Variants in ERCC6L2 observed in about 807,000 individuals in gnomAD.
ERCC6L2 encodes ERCC excision repair 6 like 2, also known as DNA excision repair protein ERCC-6-like 2.
In ERCC6L2, 77 loss-of-function variants were observed where a neutral mutation model predicts 132.0. The observed-to-expected ratio is 0.58, with a 90% CI of 0.49 to 0.71. ERCC6L2 has a LOEUF of 0.71. Ranked by LOEUF, ERCC6L2 falls within the 30% of genes least tolerant of loss-of-function variation. The pLI, the probability that ERCC6L2 is intolerant of heterozygous loss-of-function variation, is 0.00. For missense variants in ERCC6L2, 1,542 were observed against 1,837.6 expected (o/e 0.84, Z 2.94); for synonymous variants, 583 against 632.4 (o/e 0.92, Z 1.17).
At chr9:95,993,777 T>C (rs1454048624) in intron 17 of ERCC6L2, among the ~76,000 whole-genome samples, 3 of 152,164 alleles carry the variant, frequency 2.0e-5, no homozygotes, top group Non-Finnish European at 2.9e-5. Flanking sequence ...CTGGATAATA[T>C]AGTATTACTC....
chr9:95,927,374 C>G (rs1020587709), intron 9 of ERCC6L2, among the ~76,000 whole-genome samples: 2 of 151,744 alleles, frequency 1.3e-5, no homozygotes, highest in African/African-American at 4.8e-5. Flanking sequence ...TTCTTTTTCC[C>G]CTCTGTGGAT....
chr9:95,978,112 C>T lies in ERCC6L2; in HGVS notation c.3389C>T (p.Ser1130Leu), dbSNP rs377159573. 5 of 1,367,170 alleles carry T rather than the reference C, an allele frequency of 3.7e-6. No homozygotes were observed. The highest frequency in any genetic ancestry group is 1.5e-5 in the African/African-American group (1 of 67,716). 84.7% of individuals were successfully genotyped at this position (1,367,170 alleles called of 1,614,324 possible). A position where few individuals can be genotyped will look rare whatever the true frequency, so the allele number is the denominator to read the frequency against. The change falls in exon 17 of 19, where the codon TCG (serine) becomes TTG (leucine). Residue 1130 changes from serine (S) to leucine (L), a missense_variant. Coordinates refer to ENST00000653738, the MANE Select transcript of ERCC6L2 (RefSeq NM_020207.7). ...YIHSNQNVIG[S>L]SKAENHMSRW... is the part of the protein sequence containing the mutation. ...CACTCAAACCAGAATGTAATTGGAT[C>T]GAGCAAAGCTGAAAATCACATGAGC...
At chr9:95,945,696 C>T (rs1318858097) in intron 12 of ERCC6L2, among the ~76,000 whole-genome samples, 1 of 152,124 alleles carries the variant, frequency 6.6e-6, no homozygotes, top group Non-Finnish European at 1.5e-5. Flanking sequence ...TCAGCCAGTC[C>T]CTCCGTTCAG....
Position 96,012,943 on chromosome 9 carries a change from T to C in ERCC6L2, c.4393T>C (p.Ser1465Pro). Residue 1465 changes from serine to proline, a missense_variant, in exon 19 of 19, where the codon TCA (serine) becomes CCA (proline). Ser to Pro is a moderately conservative substitution (Grantham distance 74). Around this residue, in one of 4 missense-constraint regions of ERCC6L2, gnomAD observed 442 missense variants for 583.4 expected, o/e 0.76. Transcript: ENST00000653738. The stretch of plus-strand genomic sequence containing the variant: ...CACACAACTGCCAAAGAAAGTTCTT[T>C]CAGGGCCCATGGAAAAAGCAAAACA... ...SPTQLPKKVL[S>P]GPMEKAKQRP... 7.3e-7 allele frequency: 1 copy of C among 1,367,374 alleles called. No individual in the cohort carries two copies. Among genetic ancestry groups the C allele is most frequent in the Non-Finnish European group, 9.8e-7 (1 of 1,021,680 alleles). 84.7% of individuals were successfully genotyped at this position (1,367,374 alleles called of 1,614,324 possible).
At chr9:95,989,579 G>T (rs761414932) in intron 17 of ERCC6L2, among the ~76,000 whole-genome samples, 2 of 152,216 alleles carry the variant, frequency 1.3e-5, no homozygotes, top group African/African-American at 2.4e-5. Flanking sequence ...TTGCTCTCTG[G>T]ATTAGAGAAG....
chr9:95,917,074 A>G (rs1438576900), intron 6 of ERCC6L2, among the ~76,000 whole-genome samples: 1 of 152,142 alleles, frequency 6.6e-6, no homozygotes, highest in African/African-American at 2.4e-5. Context: ...TGTCCTTCCT[A>G]TACTGTGTAC....
In ERCC6L2 at chr9:95,919,152, C is replaced by T. The variant is rs780885508; in HGVS notation, c.1159-2023C>T. Among the ~76,000 whole-genome samples, 4 of 152,026 alleles carry T rather than the reference C, an allele frequency of 2.6e-5. No individual in the cohort carries two copies. The South Asian group carries it at 8.3e-4, about 32-fold the overall frequency. On this transcript the variant is annotated intron_variant, in intron 6 of 18. Transcript: ENST00000653738. The stretch of plus-strand genomic sequence containing the variant: ...CTTGGATTACAGGCGTGAGCCACCA[C>T]GCCCGGCCTGTGTCTACATTTCTGA...
rs1022273081 is a variant in ERCC6L2, at chr9:96,015,709, A to C, written c.*2506A>C. ...TCCCAGCTACTCGGGAGGCTGAGGC[A>C]GGAGAATGGCGTGAACCTGGGAGGC... On this transcript the variant is annotated 3_prime_UTR_variant, in exon 19 of 19. Coordinates refer to ENST00000653738, the MANE Select transcript of ERCC6L2 (RefSeq NM_020207.7). Among the ~76,000 whole-genome samples the C allele has an allele frequency of 8.6e-5, 13 of 151,762 alleles. No individual in the cohort carries two copies. The highest frequency in any genetic ancestry group is 3.1e-4 in the African/African-American group (13 of 41,418).
chr9:96,010,532 CT>C (rs1733153596), intron 18 of ERCC6L2, among the ~76,000 whole-genome samples: 1 of 152,196 alleles, frequency 6.6e-6, no homozygotes, highest in Non-Finnish European at 1.5e-5. Context: ...CTTGCAGTTT[CT>C]CCTGCCCCTC....
At chr9:95,918,425 C>T (rs891712840) in intron 6 of ERCC6L2, 2 of 399,492 alleles carry the variant, frequency 5.0e-6, no homozygotes, top group Non-Finnish European at 9.9e-6. Flanking sequence ...AACAAGAAAA[C>T]GAGAAGGGCC....
chr9:95,907,857 C>CACACAAACACACACACACACACACCCACA lies in ERCC6L2; in HGVS notation c.788+586_788+587insACACAAACACACACACACACACACCCACA. 2.2e-5 allele frequency among the ~76,000 whole-genome samples: 3 copies of CACACAAACACACACACACACACACCCACA among 133,816 alleles called. No individual in the cohort carries two copies. In the Admixed American group the frequency reaches 2.3e-4, roughly 10 times the overall value. The allele number at this position is 133,816 out of a possible 152,430, so 87.8% of individuals were successfully genotyped here. A position where few individuals can be genotyped will look rare whatever the true frequency, so the allele number is the denominator to read the frequency against. The stretch of plus-strand genomic sequence containing the variant: ...CACACACACACACACACACACACAC[C>CACACAAACACACACACACACACACCCACA]CCCACACCCACACACCCACTGTAGC... On this transcript the variant is annotated intron_variant, in intron 4 of 18. Coordinates refer to ENST00000653738, the MANE Select transcript of ERCC6L2 (RefSeq NM_020207.7).
chr9:95,937,917 AT>A (rs1403094024), intron 11 of ERCC6L2, among the ~76,000 whole-genome samples: 1 of 150,578 alleles, frequency 6.6e-6, no homozygotes, highest in Non-Finnish European at 1.5e-5. Context: ...GAGACCTTTA[AT>A]TTTTTTCTAA....
chr9:96,018,462 T>A (rs1369586297), downstream of ERCC6L2, among the ~76,000 whole-genome samples: 1 of 139,756 alleles, frequency 7.2e-6, no homozygotes, highest in African/African-American at 2.4e-5. Context: ...CACATAGCAT[T>A]GTTTTTCTTT....
intron 2 of ERCC6L2, among the ~76,000 whole-genome samples, chr9:95,888,792 T>TA (rs1164418316): frequency 6.6e-6 from 1 of 152,214 alleles, no homozygotes; most frequent in Admixed American, 6.5e-5. Flanking sequence ...TCCTGGTCCA[T>TA]AAAATCCACC....
At chr9:96,010,885 A>G (rs953701063) in intron 18 of ERCC6L2, among the ~76,000 whole-genome samples, 7 of 152,246 alleles carry the variant, frequency 4.6e-5, no homozygotes, top group African/African-American at 1.7e-4. Flanking sequence ...AACAGGCTCT[A>G]TAAATATTTG....
chr9:95,927,429 A>G (rs1379154466), intron 9 of ERCC6L2, among the ~76,000 whole-genome samples: 1 of 152,172 alleles, frequency 6.6e-6, no homozygotes, highest in Non-Finnish European at 1.5e-5. Context: ...AGATGTGGAA[A>G]TAAAAGTAAC....
At chr9:95,900,343 A>T (rs1009429610) in intron 3 of ERCC6L2, among the ~76,000 whole-genome samples, 1 of 151,918 alleles carries the variant, frequency 6.6e-6, no homozygotes, top group Admixed American at 6.6e-5. Flanking sequence ...AGCCGTGATC[A>T]TGCCAATGCA....
rs1834370869 is a variant in ERCC6L2 at position 96,026,692 on chromosome 9, TACAC to T, written c.*1504-12180_*1504-12177del. 3.5e-5 allele frequency among the ~76,000 whole-genome samples: 3 copies of T among 85,622 alleles called. No homozygotes were observed. In the East Asian group the frequency reaches 1.2e-3, roughly 34 times the overall value. 56.2% of individuals were successfully genotyped at this position (85,622 alleles called of 152,430 possible). Reference sequence around the variant, plus strand: ...ACACAGCACACCACACACACCACACTACACACAAACGCCACACACACCCCACACA... The same window carrying T: ...ACACAGCACACCACACACACCACACTACAAACGCCACACACACCCCACACA... On this transcript the variant is annotated intron_variant and NMD_transcript_variant, in intron 19 of 20. Transcript: ENST00000670016.
At chr9:95,939,785 T>G (rs13290841) in intron 11 of ERCC6L2, among the ~76,000 whole-genome samples, 265 of 152,352 alleles carry the variant, frequency 1.7e-3, no homozygotes, top group South Asian at 2.9e-3. Flanking sequence ...TTCCAACATC[T>G]GATTCATCTC....
Sources: allele counts gnomAD v4.1 joint callset (sites outside exome capture counted in the v4.1 genomes callset), GRCh38; gene constraint gnomAD v4.1.1; regional missense constraint gnomAD v4.1.1; transcripts MANE v1.5; gene names NCBI Gene and HGNC (gene_info 2026-07-23, HGNC 2026-07-21).